Variants in LRFN2 observed in about 807,000 individuals in gnomAD.
LRFN2 encodes leucine rich repeat and fibronectin type III domain containing 2, also known as leucine-rich repeat and fibronectin type-III domain-containing protein 2.
A neutral mutation model predicts 37.3 loss-of-function variants in LRFN2; 18 were observed. The ratio of observed to expected loss-of-function variants is 0.48; its 90% confidence interval spans 0.33 to 0.72. The LOEUF (loss-of-function observed/expected upper bound fraction) is 0.72, where lower values mean the gene tolerates loss of function less well. Ranked by LOEUF, LRFN2 falls within the 30% of genes least tolerant of loss-of-function variation. The probability of loss-of-function intolerance (pLI) is 0.02; values close to 1 mark genes in which losing one functional copy is unlikely to be tolerated. For missense variants in LRFN2, 1,006 were observed against 1,060.7 expected (o/e 0.95, Z 0.72); for synonymous variants, 556 against 466.6 (o/e 1.19, Z -2.47).
At chr6:40,420,326 G>A (rs957172059) in intron 2 of LRFN2, among the ~76,000 whole-genome samples, 5 of 152,206 alleles carry the variant, frequency 3.3e-5, no homozygotes, top group African/African-American at 1.2e-4. Flanking sequence ...GATCCCTTCT[G>A]TCACCCACAG....
chr6:40,537,766 G>A (rs1766478078), intron 1 of LRFN2, among the ~76,000 whole-genome samples: 1 of 152,098 alleles, frequency 6.6e-6, no homozygotes, highest in Non-Finnish European at 1.5e-5. Flanking sequence ...GGGACTAAGG[G>A]GACTCCCTCA....
chr6:40,442,433 C>G (rs1295708606), intron 1 of LRFN2, among the ~76,000 whole-genome samples: 1 of 152,204 alleles, frequency 6.6e-6, no homozygotes, highest in Non-Finnish European at 1.5e-5. Context: ...TGGGCTGACA[C>G]AAGACTTGAC....
intron 1 of LRFN2, among the ~76,000 whole-genome samples, chr6:40,449,844 A>G (rs915238071): frequency 1.4e-4 from 22 of 152,218 alleles, no homozygotes; most frequent in Admixed American, 1.1e-3. Flanking sequence ...TGTTCACCCA[A>G]ATATAGACCT....
At chr6:40,449,662 T>C (rs1764056784) in intron 1 of LRFN2, among the ~76,000 whole-genome samples, 1 of 152,218 alleles carries the variant, frequency 6.6e-6, no homozygotes, top group Non-Finnish European at 1.5e-5. Context: ...CATATAGCCC[T>C]GAACTTCCCA....
intron 1 of LRFN2, among the ~76,000 whole-genome samples, chr6:40,523,539 G>A (rs382047): frequency 0.9 from 125,869 of 140,502 alleles, 56,437 homozygotes; most frequent in East Asian, 0.99. Flanking sequence ...TTTTTTTACC[G>A]ATAGCCCTAT....
intron 1 of LRFN2, among the ~76,000 whole-genome samples, chr6:40,555,273 G>T (rs1309529951): frequency 6.6e-6 from 1 of 152,218 alleles, no homozygotes; most frequent in East Asian, 1.9e-4. Flanking sequence ...CCTGGTGAGA[G>T]GTGAAGGCTG....
intron 1 of LRFN2, among the ~76,000 whole-genome samples, chr6:40,471,897 C>T (rs992879601): frequency 3.9e-5 from 6 of 152,158 alleles, no homozygotes; most frequent in Non-Finnish European, 7.3e-5. Flanking sequence ...TGAGAGGGTG[C>T]CTGAGTGCCC....
At chr6:40,459,377 G>C (rs1462243407) in intron 1 of LRFN2, among the ~76,000 whole-genome samples, 1 of 152,226 alleles carries the variant, frequency 6.6e-6, no homozygotes, top group East Asian at 1.9e-4. Flanking sequence ...CTCTACCCAA[G>C]GGGTGACCAA....
rs748772451 is a variant in LRFN2, at chr6:40,392,370, C to T, written c.1943G>A (p.Arg648His). The T allele has an allele frequency of 1.9e-5, 30 of 1,598,538 alleles. No individual in the cohort carries two copies. The highest frequency in any genetic ancestry group is 4.0e-5 in the African/African-American group (3 of 74,658). ...APWRIPPSAP[R>H]PKPSLDRLMG... is the part of the protein sequence containing the mutation. ...CAGGCGGTCAAGGCTGGGCTTGGGG[C>T]GCGGGGCGGAGGGTGGGATCCTCCA... is the stretch of plus-strand genomic sequence containing the variant. The change falls in exon 3 of 3, where the codon CGC (arginine) becomes CAC (histidine). Residue 648 changes from arginine (R) to histidine (H), a missense_variant. Coordinates refer to ENST00000338305, the MANE Select transcript of LRFN2 (RefSeq NM_020737.3). This position sits in a 1 kb window ranked among gnomAD's most constrained non-coding sequence, Gnocchi z 4.7.
chr6:40,419,288 G>A (rs1458509122), intron 2 of LRFN2, among the ~76,000 whole-genome samples: 8 of 152,196 alleles, frequency 5.3e-5, no homozygotes, highest in Admixed American at 5.2e-4. Context: ...ACTTGCTGTG[G>A]CTAGCGGGAT....
chr6:40,509,960 A>T (rs893938216), intron 1 of LRFN2, among the ~76,000 whole-genome samples: 5 of 150,422 alleles, frequency 3.3e-5, no homozygotes, highest in Non-Finnish European at 7.4e-5. Flanking sequence ...GGGTGGGTGT[A>T]TGCATGTGGG....
intron 1 of LRFN2, among the ~76,000 whole-genome samples, chr6:40,551,956 G>T (rs1319052339): frequency 6.7e-6 from 1 of 149,956 alleles, no homozygotes; most frequent in Non-Finnish European, 1.5e-5. Flanking sequence ...GAAGCCCAAA[G>T]AAAAAAAAAG....
chr6:40,442,057 C>A (rs1325185122), intron 1 of LRFN2, among the ~76,000 whole-genome samples: 1 of 152,168 alleles, frequency 6.6e-6, no homozygotes, highest in African/African-American at 2.4e-5. Context: ...GCTATCTCAA[C>A]CCCTTACTCC....
intron 1 of LRFN2, among the ~76,000 whole-genome samples, chr6:40,503,215 A>G (rs1411108368): frequency 6.6e-6 from 1 of 152,174 alleles, no homozygotes; most frequent in Non-Finnish European, 1.5e-5. Flanking sequence ...GATGGCAGAG[A>G]GGGTGACATG....
intron 1 of LRFN2, among the ~76,000 whole-genome samples, chr6:40,450,006 C>T (rs1305039122): frequency 6.6e-6 from 1 of 152,174 alleles, no homozygotes; most frequent in Non-Finnish European, 1.5e-5. Flanking sequence ...ATCCCAGCCC[C>T]CTCCCTGAGA....
Position 40,409,549 on chromosome 6 carries a change from C to T in LRFN2, c.1401-16637G>A, listed in dbSNP as rs548418580. Among the ~76,000 whole-genome samples the T allele has an allele frequency of 6.1e-4, 93 of 152,268 alleles. 1 individual carries two copies. Among genetic ancestry groups the T allele is most frequent in the African/African-American group, 2.0e-3 (85 of 41,542 alleles). On this transcript the variant is annotated intron_variant, in intron 2 of 2. Transcript: ENST00000338305. ...AGATCAGTTTCAAATGTTGGCCCCA[C>T]CATCTGCTAGCTGAGCAATCTTGAA...
At chr6:40,395,741 A>T (rs777346977) in intron 2 of LRFN2, among the ~76,000 whole-genome samples, 1 of 152,196 alleles carries the variant, frequency 6.6e-6, no homozygotes, top group Non-Finnish European at 1.5e-5. Flanking sequence ...GATTTTTCAG[A>T]TGGGGAAACA....
At chr6:40,490,759 C>T (rs1166108077) in intron 1 of LRFN2, among the ~76,000 whole-genome samples, 1 of 152,242 alleles carries the variant, frequency 6.6e-6, no homozygotes, top group Non-Finnish European at 1.5e-5. Context: ...AGACTTGCTC[C>T]TGGGCTCAGA....
intron 1 of LRFN2, among the ~76,000 whole-genome samples, chr6:40,435,120 A>T (rs1349066206): frequency 1.5e-5 from 2 of 136,084 alleles, no homozygotes; most frequent in Non-Finnish European, 1.5e-5. Flanking sequence ...TATATATTTT[A>T]TATATATATT....
Sources: allele counts gnomAD v4.1 joint callset (sites outside exome capture counted in the v4.1 genomes callset), GRCh38; gene constraint gnomAD v4.1.1; non-coding constraint Gnocchi (gnomAD v3.1); transcripts MANE v1.5; gene names NCBI Gene and HGNC (gene_info 2026-07-23, HGNC 2026-07-21).